DOCK7: variants seen among roughly 807,000 people sequenced by gnomAD.
DOCK7 encodes the protein dedicator of cytokinesis 7, also known as dedicator of cytokinesis protein 7.
A neutral mutation model predicts 271.0 loss-of-function variants in DOCK7; 138 were observed. That is an observed-to-expected ratio of 0.51 (90% CI 0.44 to 0.59). DOCK7 has a LOEUF of 0.59. DOCK7 is among the 20% of genes least tolerant of loss of function. DOCK7 has a pLI of 0.00. For missense variants in DOCK7, 2,066 were observed against 2,592.4 expected, an observed-to-expected ratio of 0.80 and a Z score of 4.41; for synonymous variants, 823 against 876.1, an observed-to-expected ratio of 0.94 and a Z score of 1.07.
intron 18 of DOCK7, among the ~76,000 whole-genome samples, chr1:62,563,121 G>A (rs763549163): frequency 1.3e-5 from 2 of 152,138 alleles, no homozygotes; most frequent in Non-Finnish European, 2.9e-5. Context: ...CAACCAGGAA[G>A]GGGTCAGCAA....
chr1:62,683,092 G>C (rs1284407954), intron 1 of DOCK7, among the ~76,000 whole-genome samples: 1 of 152,156 alleles, frequency 6.6e-6, no homozygotes, highest in East Asian at 1.9e-4. Flanking sequence ...TGTTAAATAA[G>C]AGAAATGACC....
chr1:62,476,168 A>C lies in DOCK7; in HGVS notation c.5635-12T>G, dbSNP rs1483995762. 1.2e-6 allele frequency: 2 copies of C among 1,603,534 alleles called. No individual in the cohort carries two copies. Among genetic ancestry groups the C allele is most frequent in the Non-Finnish European group, 1.7e-6 (2 of 1,175,368 alleles). On this transcript the variant is annotated splice_polypyrimidine_tract_variant and intron_variant, in intron 44 of 49. Transcript: ENST00000635253. ...TCTCCGTAAAATCCCTACAATAAAG[A>C]AAAAGAAACATTTTATATGAAGTTA...
Position 62,529,361 on chromosome 1 carries a change from G to A in DOCK7, c.3697C>T (p.Gln1233Ter), listed in dbSNP as rs1267699870. 1 of 1,613,788 alleles carries A rather than the reference G, an allele frequency of 6.2e-7. No homozygotes were observed. Among genetic ancestry groups the A allele is most frequent in the Non-Finnish European group, 8.5e-7 (1 of 1,179,920 alleles). Reference protein sequence around the residue: ...HDSDPRYSDPQIKARVAMLYL... With the variant: ...HDSDPRYSDP ...AACATGGCCACTCGAGCCTTTATCT[G>A]AGGGTCAGAGTACCGCGGGTCTGAG... The change falls in exon 30 of 50, where the codon CAG becomes TAG. Residue 1233 changes from glutamine (Q) to a stop codon, truncating the protein, a stop_gained. Transcript: ENST00000635253. LOFTEE classifies it high-confidence loss of function.
At chr1:62,548,873 G>A (rs1424798567) in intron 22 of DOCK7, among the ~76,000 whole-genome samples, 1 of 152,188 alleles carries the variant, frequency 6.6e-6, no homozygotes, top group Non-Finnish European at 1.5e-5. Flanking sequence ...ATGGAAAGAA[G>A]TGTCTCTACC....
chr1:62,592,760 A>C (rs1648645694), intron 14 of DOCK7, among the ~76,000 whole-genome samples: 1 of 152,176 alleles, frequency 6.6e-6, no homozygotes, highest in Non-Finnish European at 1.5e-5. Flanking sequence ...TTTTCATTAA[A>C]AGCATTTGTA....
intron 18 of DOCK7, among the ~76,000 whole-genome samples, chr1:62,569,592 T>C (rs764323597): frequency 6.6e-6 from 1 of 151,960 alleles, no homozygotes; most frequent in Non-Finnish European, 1.5e-5. Flanking sequence ...TACCTCAAAA[T>C]AGTAAGAGCC....
intron 14 of DOCK7, among the ~76,000 whole-genome samples, chr1:62,602,700 T>TA (rs1650332913): frequency 6.6e-6 from 1 of 151,666 alleles, no homozygotes; most frequent in African/African-American, 2.4e-5. Flanking sequence ...TAGTAACTGT[T>TA]ACAAATAAGC....
intron 29 of DOCK7, among the ~76,000 whole-genome samples, chr1:62,531,342 T>C (rs1645169007): frequency 6.6e-6 from 1 of 152,238 alleles, no homozygotes; most frequent in Non-Finnish European, 1.5e-5. Context: ...CCATTGTTAT[T>C]AAATATATAT....
rs536819910 is a variant in DOCK7, at chr1:62,660,179, A to G, written c.144+2846T>C. 2.0e-5 allele frequency among the ~76,000 whole-genome samples: 3 copies of G among 152,330 alleles called. No homozygotes were observed. In the South Asian group the frequency reaches 6.2e-4, roughly 32 times the overall value. Reference sequence around the variant, plus strand: ...CAGACCATACTCTGACCCATAAAACAAACTTCAACAAATTTAAAAAGAACT... The same window carrying G: ...CAGACCATACTCTGACCCATAAAACGAACTTCAACAAATTTAAAAAGAACT... On this transcript the variant is annotated intron_variant, in intron 2 of 49. Coordinates refer to ENST00000635253, the MANE Select transcript of DOCK7 (RefSeq NM_001367561.1).
intron 4 of DOCK7, among the ~76,000 whole-genome samples, chr1:62,651,694 T>C (rs1456567350): frequency 6.6e-6 from 1 of 152,074 alleles, no homozygotes; most frequent in African/African-American, 2.4e-5. Context: ...CTTTCACATT[T>C]CTCATGCACA....
rs1274851614 is a variant in DOCK7 at position 62,648,216 on chromosome 1, G to A, written c.622C>T (p.Pro208Ser). The A allele has an allele frequency of 6.2e-7, 1 of 1,613,530 alleles. No individual in the cohort carries two copies. The highest frequency in any genetic ancestry group is 8.5e-7 in the Non-Finnish European group (1 of 1,179,742). The change falls in exon 6 of 50, where the codon CCC becomes TCC. Residue 208 changes from proline (P) to serine (S), a missense_variant. Around this residue, in one of 2 missense-constraint regions of DOCK7, gnomAD observed 1,414 missense variants for 1,670.4 expected, o/e 0.85. Coordinates refer to ENST00000635253, the MANE Select transcript of DOCK7 (RefSeq NM_001367561.1). Reference sequence around the variant, plus strand: ...TTTGGAGTTCGATCAAGTAAATTGGGAAGCAAAGCATCAGGAAGTGAATTT... The same window carrying A: ...TTTGGAGTTCGATCAAGTAAATTGGAAAGCAAAGCATCAGGAAGTGAATTT... The part of the protein sequence containing the change: ...LKNSLPDALL[P>S]NLLDRTPNEE...
intron 11 of DOCK7, among the ~76,000 whole-genome samples, chr1:62,626,449 G>C (rs7419069): frequency 0.96 from 145,219 of 151,772 alleles, 69,529 homozygotes; most frequent in East Asian, 1. Flanking sequence ...AAAACTGTTT[G>C]TTCAAAAAGA....
chr1:62,659,037 C>A (rs746610812), intron 2 of DOCK7, among the ~76,000 whole-genome samples: 48 of 151,422 alleles, frequency 3.2e-4, no homozygotes, highest in African/African-American at 1.1e-3. Flanking sequence ...ACCAGCAGAT[C>A]TATTCTAAAA....
In DOCK7 at chr1:62,634,787, A is replaced by T; in HGVS notation, c.1021T>A (p.Phe341Ile). Reference sequence around the variant, plus strand: ...ATTATTCTCACCTTTATTACAAGAAAAACATCTTGGGAAGGATAAGTGATA... The same window carrying T: ...ATTATTCTCACCTTTATTACAAGAATAACATCTTGGGAAGGATAAGTGATA... ...FSITYPSQDV[F>I]LVIKLEKVLQ... The change falls in exon 9 of 50, where the codon TTT (phenylalanine) becomes ATT (isoleucine). Residue 341 changes from phenylalanine to isoleucine, a missense_variant. Around this residue, in one of 2 missense-constraint regions of DOCK7, gnomAD observed 1,414 missense variants for 1,670.4 expected, o/e 0.85. Coordinates refer to ENST00000635253, the MANE Select transcript of DOCK7 (RefSeq NM_001367561.1). The T allele has an allele frequency of 2.5e-6, 4 of 1,612,266 alleles. No homozygotes were observed. The highest frequency in any genetic ancestry group is 3.4e-6 in the Non-Finnish European group (4 of 1,179,084).
At chr1:62,601,944 A>G (rs1650188731) in intron 14 of DOCK7, 1 of 992,222 alleles carries the variant, frequency 1.0e-6, no homozygotes, top group Non-Finnish European at 1.6e-6. Context: ...CGTATTAGGA[A>G]GATTAACCTG....
At chr1:62,663,169 A>T in intron 1 of DOCK7, 39 bp from the exon 2 acceptor site, 3 of 1,484,862 alleles carry the variant, frequency 2.0e-6, no homozygotes, top group Non-Finnish European at 2.8e-6. Flanking sequence ...ATTATTGAAA[A>T]AAAAAAAAAC....
intron 37 of DOCK7, among the ~76,000 whole-genome samples, chr1:62,502,764 T>TC (rs1337843416): frequency 6.6e-6 from 1 of 151,664 alleles, no homozygotes; most frequent in Non-Finnish European, 1.5e-5. Flanking sequence ...CCAACACAAT[T>TC]TTTTTTAAAG....
intron 31 of DOCK7, among the ~76,000 whole-genome samples, chr1:62,527,463 C>T (rs1398603350): frequency 6.6e-6 from 1 of 151,960 alleles, no homozygotes; most frequent in Non-Finnish European, 1.5e-5. Context: ...TGGAACCAAC[C>T]CAAATGTCCA....
In DOCK7 at chr1:62,577,269, G is replaced by T; in HGVS notation, c.2105C>A (p.Ser702Tyr). ...EKPPQAYSVL[S>Y]PEVPLPGMKW... Reference sequence around the variant, plus strand: ...AACATGGGAGACACTGACCTCAGGAGACAGTACAGAATAAGCCTGTGGTGG... The same window carrying T: ...AACATGGGAGACACTGACCTCAGGATACAGTACAGAATAAGCCTGTGGTGG... The change falls in exon 18 of 50, where the codon TCT (serine) becomes TAT (tyrosine). Residue 702 changes from serine to tyrosine, a missense_variant. Ser to Tyr is a moderately radical substitution (Grantham distance 144). Around this residue, in one of 2 missense-constraint regions of DOCK7, gnomAD observed 1,414 missense variants for 1,670.4 expected, o/e 0.85. Coordinates refer to ENST00000635253, the MANE Select transcript of DOCK7 (RefSeq NM_001367561.1). The T allele has an allele frequency of 6.5e-7, 1 of 1,529,410 alleles. No homozygotes were observed. Among genetic ancestry groups the T allele is most frequent in the Non-Finnish European group, 8.9e-7 (1 of 1,129,410 alleles). 94.7% of individuals were successfully genotyped at this position (1,529,410 alleles called of 1,614,324 possible). A position where few individuals can be genotyped will look rare whatever the true frequency, so the allele number is the denominator to read the frequency against.
Sources: gnomAD v4.1 joint callset for allele counts (sites outside exome capture counted in the v4.1 genomes callset) on GRCh38, gnomAD v4.1.1 for gene constraint, gnomAD v4.1.1 regional missense constraint, MANE v1.5 for transcripts, NCBI Gene and HGNC (gene_info 2026-07-23, HGNC 2026-07-21) for gene names.